Variants in SECISBP2 observed in about 807,000 individuals in gnomAD.
The protein encoded by SECISBP2 is selenocysteine insertion sequence-binding protein 2.
A neutral mutation model predicts 98.2 loss-of-function variants in SECISBP2; 96 were observed. That is an observed-to-expected ratio of 0.98 (90% CI 0.83 to 1.16). The LOEUF (loss-of-function observed/expected upper bound fraction) is 1.16. SECISBP2 is among the 50% of genes most tolerant of loss of function. SECISBP2 has a pLI of 0.00. For missense variants in SECISBP2, 1,046 were observed against 1,022.9 expected, an observed-to-expected ratio of 1.02 and a Z score of -0.31; for synonymous variants, 407 against 370.2, an observed-to-expected ratio of 1.10 and a Z score of -1.14.
At chr9:89,347,194 C>A in intron 11 of SECISBP2, 146 bp downstream of exon 11, 1 of 822,324 alleles carries the variant, frequency 1.2e-6, no homozygotes, top group Non-Finnish European at 2.0e-6. Flanking sequence ...GATACTCCAA[C>A]AAATGATCCC....
At chr9:89,319,577 T>C in intron 1 of SECISBP2, 75 bp from the exon 2 acceptor site, 1 of 1,544,090 alleles carries the variant, frequency 6.5e-7, no homozygotes. Flanking sequence ...TAGGAACACC[T>C]CTTGGGTCTT....
chr9:89,366,631 G>T, the SECISBP2 span, among the ~76,000 whole-genome samples: 2 of 152,172 alleles, frequency 1.3e-5, no homozygotes, highest in Non-Finnish European at 2.9e-5. Context: ...ATATTACATA[G>T]ATGTACAAAC....
chr9:89,358,114 G>T lies in SECISBP2; in HGVS notation c.2384G>T (p.Ser795Ile). Residue 795 changes from serine (S) to isoleucine (I), a missense_variant, in exon 16 of 17, where the codon AGC becomes ATC. Transcript: ENST00000375807. ...GAGCCCAGGCCTCAGGCACCTCCCA[G>T]CCTACCCACACAGGGCCCCAGCTGC... The part of the protein sequence containing the change: ...VGEPRPQAPP[S>I]LPTQGPSCPA... 1 of 1,613,848 alleles carries T rather than the reference G, an allele frequency of 6.2e-7. No homozygotes were observed. The highest frequency in any genetic ancestry group is 1.1e-5 in the South Asian group (1 of 90,996).
In SECISBP2 at chr9:89,346,874, C is replaced by T. The variant is rs776615835; in HGVS notation, c.1436-8C>T. On this transcript the variant is annotated splice_polypyrimidine_tract_variant and splice_region_variant and intron_variant, in intron 10 of 16. Coordinates refer to ENST00000375807, the MANE Select transcript of SECISBP2 (RefSeq NM_024077.5). ...TGACCGTGAGGGCTTTGTCCCACTG[C>T]GTTTCAGTTGGAGCAGTGCCAGTCC... is the stretch of plus-strand genomic sequence containing the variant. The T allele has an allele frequency of 8.1e-6, 13 of 1,613,612 alleles. No homozygotes were observed. Among genetic ancestry groups the T allele is most frequent in the Middle Eastern group, 1.6e-4 (1 of 6,070 alleles).
At chr9:89,353,992 G>A (rs576689167) in intron 14 of SECISBP2, among the ~76,000 whole-genome samples, 1 of 152,328 alleles carries the variant, frequency 6.6e-6, no homozygotes, top group Non-Finnish European at 1.5e-5. Context: ...AAAAATTGAT[G>A]TTATAGCCTT....
intron 15 of SECISBP2, among the ~76,000 whole-genome samples, 166 bp from the exon 16 acceptor site, chr9:89,357,833 C>T (rs1231183564): frequency 2.0e-5 from 3 of 152,034 alleles, no homozygotes; most frequent in African/African-American, 7.2e-5. Context: ...TCGGCCTAGC[C>T]CACTCTTTCC....
chr9:89,366,512 A>G, the SECISBP2 span, among the ~76,000 whole-genome samples: 12 of 152,344 alleles, frequency 7.9e-5, no homozygotes, highest in East Asian at 1.9e-3. Context: ...TTTGTGCAGA[A>G]TTTAAAAAAA....
intron 13 of SECISBP2, 81 bp downstream of exon 13, chr9:89,350,010 T>A: frequency 1.3e-6 from 2 of 1,525,100 alleles, no homozygotes; most frequent in Non-Finnish European, 1.8e-6. Flanking sequence ...CTCCCATAAA[T>A]CCTTGTTGCT....
At chr9:89,332,876 C>A in intron 5 of SECISBP2, 32 bp from the exon 6 acceptor site, 1 of 1,544,436 alleles carries the variant, frequency 6.5e-7, no homozygotes, top group East Asian at 2.2e-5. Flanking sequence ...ATTTGCATTT[C>A]TCTGATGACA....
chr9:89,344,182 G>A (rs1284710159), intron 10 of SECISBP2, among the ~76,000 whole-genome samples: 1 of 152,032 alleles, frequency 6.6e-6, no homozygotes, highest in Non-Finnish European at 1.5e-5. Context: ...TTGCAAATTT[G>A]TTTAAGATCC....
intron 10 of SECISBP2, among the ~76,000 whole-genome samples, chr9:89,344,631 T>C (rs1407372814): frequency 6.6e-6 from 1 of 152,220 alleles, no homozygotes; most frequent in Non-Finnish European, 1.5e-5. Context: ...CTTTACTGCC[T>C]TTGGTGTTAA....
In SECISBP2 at chr9:89,325,967, T is replaced by C; in HGVS notation, c.503T>C (p.Ile168Thr). ...GACAGTGAAAGGGCTGATGGAACTA[T>C]ATCATCTGAGATAAAATCAGCTAGA... ...KFDSERADGT[I>T]SSEIKSARGS... Residue 168 changes from isoleucine (I) to threonine (T), a missense_variant, in exon 4 of 17, where the codon ATA (isoleucine) becomes ACA (threonine). Coordinates refer to ENST00000375807, the MANE Select transcript of SECISBP2 (RefSeq NM_024077.5). 6.2e-7 allele frequency: 1 copy of C among 1,614,040 alleles called. No homozygotes were observed. Among genetic ancestry groups the C allele is most frequent in the Non-Finnish European group, 8.5e-7 (1 of 1,179,942 alleles).
Position 89,325,514 on chromosome 9 carries a change from T to C in SECISBP2, c.270T>C (p.Tyr90=). The change falls in exon 3 of 17, where the codon TAT becomes TAC. Residue 90 remains tyrosine (Y), a synonymous_variant. Transcript: ENST00000375807. The part of the protein sequence containing the change: ...YLSSEITLHP[Y]AYSPYTLDST... The stretch of plus-strand genomic sequence containing the variant: ...CTTCTGAGATAACTCTTCATCCATA[T>C]GCCTATTCTCCTTATACCCTTGACT... The C allele has an allele frequency of 6.2e-7, 1 of 1,613,948 alleles. No individual in the cohort carries two copies. The highest frequency in any genetic ancestry group is 2.2e-5 in the East Asian group (1 of 44,872).
chr9:89,365,135 T>G, the SECISBP2 span: 1 of 152,328 alleles, frequency 6.6e-6, no homozygotes, highest in Admixed American at 6.5e-5. Context: ...TCCACTCAAA[T>G]GCAGAAAGGG....
In SECISBP2 at chr9:89,344,099, G is replaced by C. The variant is rs530379302; in HGVS notation, c.1435+2620G>C. 3.9e-5 allele frequency among the ~76,000 whole-genome samples: 6 copies of C among 152,252 alleles called. No homozygotes were observed. The South Asian group carries it at 1.2e-3, about 32-fold the overall frequency. ...ATGTTGAGGTTTTTCTCGTATGCTT[G>C]TTGGCCACGTGTATGTCTCTTGAAA... On this transcript the variant is annotated intron_variant, in intron 10 of 16. Coordinates refer to ENST00000375807, the MANE Select transcript of SECISBP2 (RefSeq NM_024077.5).
Position 89,349,924 on chromosome 9 carries a change from C to G in SECISBP2, c.1887C>G (p.Phe629Leu), listed in dbSNP as rs769929291. ...TCCCTAAGATCCACAGCCGCAGATT[C>G]AGGGAGTGAGTGAGCCCCTGCCTGC... Reference protein sequence around the residue: ...TTFPKIHSRRFRDYCSQMLSK... With the variant: ...TTFPKIHSRRLRDYCSQMLSK... Residue 629 changes from phenylalanine to leucine, a missense_variant, in exon 13 of 17, where the codon TTC becomes TTG. Phe to Leu is a conservative substitution (Grantham distance 22, BLOSUM62 0). Transcript: ENST00000375807. The G allele has an allele frequency of 6.2e-7, 1 of 1,614,118 alleles. No homozygotes were observed. Among genetic ancestry groups the G allele is most frequent in the Non-Finnish European group, 8.5e-7 (1 of 1,179,972 alleles).
chr9:89,366,838 C>T, the SECISBP2 span, among the ~76,000 whole-genome samples: 1 of 152,258 alleles, frequency 6.6e-6, no homozygotes, highest in Non-Finnish European at 1.5e-5. Flanking sequence ...GTGACCTGCA[C>T]CAAGAACCAC....
chr9:89,353,247 T>C (rs1202369998), intron 14 of SECISBP2, among the ~76,000 whole-genome samples: 1 of 152,106 alleles, frequency 6.6e-6, no homozygotes, highest in Non-Finnish European at 1.5e-5. Context: ...CTCCAAGGAG[T>C]GCACTGAGAA....
chr9:89,347,511 C>T lies in SECISBP2; in HGVS notation c.1602+463C>T, dbSNP rs913135835. Among the ~76,000 whole-genome samples the T allele has an allele frequency of 5.7e-5, 7 of 121,910 alleles. No homozygotes were observed. The South Asian group carries it at 7.6e-4, about 13-fold the overall frequency. 80.0% of individuals were successfully genotyped at this position (121,910 alleles called of 152,430 possible). A position where few individuals can be genotyped will look rare whatever the true frequency, so the allele number is the denominator to read the frequency against. On this transcript the variant is annotated intron_variant, in intron 11 of 16. Transcript: ENST00000375807. The stretch of plus-strand genomic sequence containing the variant: ...TTTTGAGACGGAGTTTTGCTCTTGT[C>T]GCCCAGGCTGGAGTGCAATAGAGCG...
Sources: gnomAD v4.1 joint callset for allele counts (sites outside exome capture counted in the v4.1 genomes callset) on GRCh38, gnomAD v4.1.1 for gene constraint, MANE v1.5 for transcripts, NCBI Gene and HGNC (gene_info 2026-07-23, HGNC 2026-07-21) for gene names.